UNC13C: variants seen among roughly 807,000 people sequenced by gnomAD.
The protein encoded by UNC13C is unc-13 homolog C.
UNC13C carries 174 observed loss-of-function variants against 245.4 expected under a neutral mutation model. The observed-to-expected ratio is 0.71, with a 90% CI of 0.63 to 0.80. The LOEUF is 0.80. UNC13C is among the 30% of genes least tolerant of loss of function. The pLI is 0.00. For synonymous variants in UNC13C, 992 were observed against 895.1 expected, an observed-to-expected ratio of 1.11 and a Z score of -1.93; for missense variants, 2,829 against 2,602.9, an observed-to-expected ratio of 1.09 and a Z score of -1.89.
intron 29 of UNC13C, among the ~76,000 whole-genome samples, chr15:54,557,350 G>A (rs1596566904): frequency 2.0e-5 from 3 of 151,898 alleles, no homozygotes; most frequent in African/African-American, 7.2e-5. Flanking sequence ...TCTTGACCCT[G>A]TGCCCTGCCC....
At chr15:53,977,258 C>T (rs144820440), upstream of UNC13C, among the ~76,000 whole-genome samples, 1,548 of 152,264 alleles carry the variant, frequency 0.01, 29 homozygotes, top group African/African-American at 0.036. Context: ...CATTTGGGGA[C>T]ACTTTTTTAA....
At chr15:54,034,072 A>C (rs566005374) in intron 2 of UNC13C, among the ~76,000 whole-genome samples, 2 of 152,262 alleles carry the variant, frequency 1.3e-5, no homozygotes, top group South Asian at 4.2e-4. Flanking sequence ...TCCAGAATGG[A>C]CTTCCCTGGC....
intron 2 of UNC13C, among the ~76,000 whole-genome samples, chr15:54,043,155 AT>A (rs995042508): frequency 7.2e-5 from 11 of 151,968 alleles, no homozygotes; most frequent in African/African-American, 2.7e-4. Flanking sequence ...AAAACCATAT[AT>A]TTTTTTTCAC....
intron 9 of UNC13C, 140 bp downstream of exon 9, chr15:54,264,535 T>G: frequency 1.5e-6 from 1 of 688,800 alleles, no homozygotes; most frequent in Non-Finnish European, 2.4e-6. Context: ...TAGTTGGTAC[T>G]TCACATTTTG....
At chr15:54,479,001 TG>T (rs1395529683) in intron 19 of UNC13C, among the ~76,000 whole-genome samples, 1 of 152,154 alleles carries the variant, frequency 6.6e-6, no homozygotes, top group African/African-American at 2.4e-5. Flanking sequence ...GCTCCTGTAT[TG>T]GGTGCATATA....
chr15:54,012,604 A>G (rs777205028), intron 1 of UNC13C, among the ~76,000 whole-genome samples, 44 bp from the exon 2 acceptor site: 8 of 152,260 alleles, frequency 5.3e-5, no homozygotes, highest in Non-Finnish European at 1.5e-5. Flanking sequence ...GAAGAAATCT[A>G]GAATTGAATT....
intron 19 of UNC13C, among the ~76,000 whole-genome samples, chr15:54,419,335 G>A (rs1252926315): frequency 6.6e-6 from 1 of 152,138 alleles, no homozygotes; most frequent in Non-Finnish European, 1.5e-5. Flanking sequence ...TAACTTCTCA[G>A]GCTATGAATG....
intron 30 of UNC13C, among the ~76,000 whole-genome samples, chr15:54,605,275 C>T (rs891433153): frequency 2.0e-5 from 3 of 152,128 alleles, no homozygotes; most frequent in African/African-American, 7.2e-5. Context: ...GCCACAGTGC[C>T]ATGTAGAATC....
At chr15:54,591,797 T>C (rs781477956) in intron 30 of UNC13C, among the ~76,000 whole-genome samples, 3 of 152,134 alleles carry the variant, frequency 2.0e-5, no homozygotes, top group Non-Finnish European at 4.4e-5. Flanking sequence ...TTGCATTTAG[T>C]ACTGCTCTGA....
chr15:54,216,042 T>A (rs999415827), intron 4 of UNC13C, among the ~76,000 whole-genome samples: 1 of 151,920 alleles, frequency 6.6e-6, no homozygotes, highest in Non-Finnish European at 1.5e-5. Flanking sequence ...ATGTACATGG[T>A]GATCCAAATA....
chr15:54,172,575 C>A (rs28408537), intron 4 of UNC13C, among the ~76,000 whole-genome samples: 15,880 of 150,378 alleles, frequency 0.11, 1,479 homozygotes, highest in African/African-American at 0.24. Flanking sequence ...CAGTCCTCTG[C>A]TGAAATATAC....
intron 19 of UNC13C, among the ~76,000 whole-genome samples, chr15:54,418,048 C>T (rs1365027905): frequency 6.6e-6 from 1 of 152,064 alleles, no homozygotes. Context: ...CTCAACGTCC[C>T]AAGTAGCTGT....
intron 4 of UNC13C, among the ~76,000 whole-genome samples, chr15:54,231,054 C>A (rs2035537180): frequency 6.6e-6 from 1 of 151,944 alleles, no homozygotes; most frequent in Non-Finnish European, 1.5e-5. Context: ...TCTAATAAGT[C>A]TTTATTCCTA....
At chr15:54,067,770 T>C (rs1898139718) in intron 2 of UNC13C, among the ~76,000 whole-genome samples, 1 of 152,202 alleles carries the variant, frequency 6.6e-6, no homozygotes, top group South Asian at 2.1e-4. Context: ...ACCTCTACTT[T>C]TTCCTGATTA....
chr15:54,320,686 G>T, intron 13 of UNC13C: 1 of 338,176 alleles, frequency 3.0e-6, no homozygotes, highest in Non-Finnish European at 5.7e-6. Context: ...CACTTCTCTG[G>T]CTCTCTTCTC....
At chr15:54,389,528 G>T (rs1596315902) in intron 17 of UNC13C, among the ~76,000 whole-genome samples, 1 of 152,116 alleles carries the variant, frequency 6.6e-6, no homozygotes, top group Non-Finnish European at 1.5e-5. Flanking sequence ...TGAAAATAAC[G>T]TATTTAACTT....
intron 12 of UNC13C, among the ~76,000 whole-genome samples, chr15:54,298,533 A>G (rs1279323401): frequency 2.0e-5 from 3 of 152,178 alleles, no homozygotes; most frequent in Non-Finnish European, 4.4e-5. Context: ...CTCTTTCTAC[A>G]AACATGTGAG....
At chr15:54,563,590 A>C (rs1257043001) in intron 29 of UNC13C, among the ~76,000 whole-genome samples, 4 of 152,034 alleles carry the variant, frequency 2.6e-5, no homozygotes, top group Non-Finnish European at 4.4e-5. Context: ...AATGGAAAAT[A>C]ATGCACTTTT....
rs528404167 is a variant in UNC13C at position 54,137,677 on chromosome 15, C to G, written c.2984-5341C>G. Among the ~76,000 whole-genome samples the G allele has an allele frequency of 1.5e-4, 23 of 151,262 alleles. No homozygotes were observed. The South Asian group carries it at 4.7e-3, about 31-fold the overall frequency. ...TGCTACCAGTTGTAATGTTGCTCTTCCATTTATAATTTTATTTATTTGATC... is the reference window on the plus strand; with the variant it reads ...TGCTACCAGTTGTAATGTTGCTCTTGCATTTATAATTTTATTTATTTGATC... On this transcript the variant is annotated intron_variant, in intron 2 of 32. Coordinates refer to ENST00000260323, the MANE Select transcript of UNC13C (RefSeq NM_001080534.3).
Sources: allele counts gnomAD v4.1 joint callset (sites outside exome capture counted in the v4.1 genomes callset), GRCh38; gene constraint gnomAD v4.1.1; transcripts MANE v1.5; gene names NCBI Gene and HGNC (gene_info 2026-07-23, HGNC 2026-07-21).